ABI3BP: variants seen among roughly 807,000 people sequenced by gnomAD.
ABI3BP encodes ABI family member 3 binding protein.
In ABI3BP, 216 loss-of-function variants were observed where a neutral mutation model predicts 268.6. That is an observed-to-expected ratio of 0.80 (90% CI 0.72 to 0.90). The LOEUF is 0.90. Among genes scored for constraint, ABI3BP ranks in the 40% least tolerant of loss-of-function variants. The pLI, the probability that ABI3BP is intolerant of heterozygous loss-of-function variation, is 0.00. For missense variants in ABI3BP, 2,090 were observed against 2,182.4 expected, an observed-to-expected ratio of 0.96 and a Z score of 0.84; for synonymous variants, 730 against 730.0, an observed-to-expected ratio of 1.00 and a Z score of 0.00.
chr3:100,988,438 T>C (rs960055873), intron 1 of ABI3BP, among the ~76,000 whole-genome samples: 1 of 152,136 alleles, frequency 6.6e-6, no homozygotes, highest in Non-Finnish European at 1.5e-5. Context: ...ACTTTAACAC[T>C]CACTGAGCTT....
chr3:100,789,487 G>C lies in ABI3BP; in HGVS notation c.4054C>G (p.Pro1352Ala). The change falls in exon 56 of 68, where the codon CCC (proline) becomes GCC (alanine). Residue 1352 changes from proline (P) to alanine (A), a missense_variant. Pro to Ala is a conservative substitution (Grantham distance 27). Transcript: ENST00000471714. ...APHRFYTTVR[P>A]RTSDKPHIRP... The stretch of plus-strand genomic sequence containing the variant: ...ATGTGTGGCTTGTCAGATGTTCTGG[G>C]CCTCACAGTAGTATAAAATCTGTGT... 1 of 1,600,020 alleles carries C rather than the reference G, an allele frequency of 6.2e-7. No individual in the cohort carries two copies. Among genetic ancestry groups the C allele is most frequent in the Non-Finnish European group, 8.5e-7 (1 of 1,172,834 alleles).
chr3:100,763,905 A>T (rs892961197), intron 63 of ABI3BP, among the ~76,000 whole-genome samples: 1 of 152,240 alleles, frequency 6.6e-6, no homozygotes, highest in African/African-American at 2.4e-5. Flanking sequence ...TATTCCGACT[A>T]AAAGCCAGAA....
intron 1 of ABI3BP, among the ~76,000 whole-genome samples, chr3:100,967,331 G>T (rs922289229): frequency 6.6e-6 from 1 of 151,736 alleles, no homozygotes; most frequent in Non-Finnish European, 1.5e-5. Flanking sequence ...GTGAAATATT[G>T]TCTCTGTCAA....
At chr3:100,780,533 C>A (rs1224552781) in intron 57 of ABI3BP, among the ~76,000 whole-genome samples, 2 of 151,986 alleles carry the variant, frequency 1.3e-5, no homozygotes, top group Non-Finnish European at 2.9e-5. Flanking sequence ...AACTGGCCAC[C>A]TTTTGCCAAT....
In ABI3BP at chr3:100,789,498, G is replaced by T. The variant is rs773263916; in HGVS notation, c.4043C>A (p.Thr1348Asn). 3 of 1,597,762 alleles carry T rather than the reference G, an allele frequency of 1.9e-6. No homozygotes were observed. Among genetic ancestry groups the T allele is most frequent in the East Asian group, 4.5e-5 (2 of 44,326 alleles). Reference sequence around the variant, plus strand: ...GTCAGATGTTCTGGGCCTCACAGTAGTATAAAATCTGTGTGGCGCTGAAAC... The same window carrying T: ...GTCAGATGTTCTGGGCCTCACAGTATTATAAAATCTGTGTGGCGCTGAAAC... Reference protein sequence around the residue: ...KTTQAPHRFYTTVRPRTSDKP... With the variant: ...KTTQAPHRFYNTVRPRTSDKP... Residue 1348 changes from threonine (T) to asparagine (N), a missense_variant, in exon 56 of 68, where the codon ACT (threonine) becomes AAT (asparagine). Coordinates refer to ENST00000471714, the MANE Select transcript of ABI3BP (RefSeq NM_001375547.2).
chr3:100,753,983 G>A, intron 64 of ABI3BP, 135 bp from the exon 65 acceptor site: 1 of 920,328 alleles, frequency 1.1e-6, no homozygotes. Context: ...GCTAAGGATT[G>A]AATTTGAAAG....
At chr3:100,988,746 G>A (rs1171891805) in intron 1 of ABI3BP, among the ~76,000 whole-genome samples, 1 of 152,102 alleles carries the variant, frequency 6.6e-6, no homozygotes, top group Non-Finnish European at 1.5e-5. Flanking sequence ...CAAGTGCCAA[G>A]CTTTGTCTCC....
chr3:100,890,654 C>G (rs1192084596), intron 4 of ABI3BP, among the ~76,000 whole-genome samples: 1 of 152,156 alleles, frequency 6.6e-6, no homozygotes, highest in African/African-American at 2.4e-5. Flanking sequence ...TTTCTTACCA[C>G]TCAAAATGTC....
At chr3:100,889,819 A>C (rs2043686245) in intron 4 of ABI3BP, among the ~76,000 whole-genome samples, 1 of 152,122 alleles carries the variant, frequency 6.6e-6, no homozygotes, top group South Asian at 2.1e-4. Flanking sequence ...ACAGCTCCTC[A>C]AAATGTAGCA....
chr3:100,987,366 T>G (rs2092083096), intron 1 of ABI3BP, among the ~76,000 whole-genome samples: 1 of 152,236 alleles, frequency 6.6e-6, no homozygotes, highest in Admixed American at 6.5e-5. Context: ...TGTTCCCCTG[T>G]GTCCCCTCTC....
rs914866020 is a variant in ABI3BP at position 100,982,123 on chromosome 3, A to G, written c.79+11183T>C. ...GTGTGAGAGTGCAGGAAAAACTACCATTTATAAAACCATCATCTCTCCTGA... is the reference window on the plus strand; with the variant it reads ...GTGTGAGAGTGCAGGAAAAACTACCGTTTATAAAACCATCATCTCTCCTGA... On this transcript the variant is annotated intron_variant, in intron 1 of 67. Transcript: ENST00000471714. 3.9e-5 allele frequency among the ~76,000 whole-genome samples: 6 copies of G among 152,124 alleles called. No homozygotes were observed. In the East Asian group the frequency reaches 7.7e-4, roughly 20 times the overall value.
rs527415180 is a variant in ABI3BP, at chr3:100,828,447, C to A, written c.2548G>T (p.Ala850Ser). Reference protein sequence around the residue: ...PEELQTELVPATIFEPVSPIK... With the variant: ...PEELQTELVPSTIFEPVSPIK... Reference sequence around the variant, plus strand: ...GGAGAAACTGGTTCAAAGATTGTAGCAGGAACTGGCCAAAAATAATAAAAA... The same window carrying A: ...GGAGAAACTGGTTCAAAGATTGTAGAAGGAACTGGCCAAAAATAATAAAAA... Residue 850 changes from alanine (A) to serine (S), a missense_variant, in exon 34 of 68, where the codon GCT becomes TCT. Coordinates refer to ENST00000471714, the MANE Select transcript of ABI3BP (RefSeq NM_001375547.2). 34 of 1,534,418 alleles carry A rather than the reference C, an allele frequency of 2.2e-5. No individual in the cohort carries two copies. In the Admixed American group the frequency reaches 2.7e-4, roughly 12 times the overall value.
At chr3:100,948,213 C>T (rs908758415) in intron 1 of ABI3BP, among the ~76,000 whole-genome samples, 1 of 152,110 alleles carries the variant, frequency 6.6e-6, no homozygotes, top group Non-Finnish European at 1.5e-5. Flanking sequence ...TATGAAGCTA[C>T]ACACAAGCCA....
intron 13 of ABI3BP, 143 bp from the exon 14 acceptor site, chr3:100,862,528 T>C: frequency 1.6e-6 from 1 of 620,506 alleles, no homozygotes; most frequent in Admixed American, 3.2e-5. Context: ...TATATATCAG[T>C]AAGAAATCAG....
At chr3:100,982,538 G>T (rs2090047609) in intron 1 of ABI3BP, among the ~76,000 whole-genome samples, 1 of 150,484 alleles carries the variant, frequency 6.6e-6, no homozygotes, top group African/African-American at 2.4e-5. Context: ...AGTTACTTTT[G>T]CACCAACCTA....
At chr3:100,856,762 C>T (rs2098944641) in intron 14 of ABI3BP, among the ~76,000 whole-genome samples, 1 of 152,148 alleles carries the variant, frequency 6.6e-6, no homozygotes, top group South Asian at 2.1e-4. Flanking sequence ...ACAAAAAGCT[C>T]ATTTCCACAT....
chr3:100,951,073 A>T (rs1325325192), intron 1 of ABI3BP, among the ~76,000 whole-genome samples: 1 of 151,940 alleles, frequency 6.6e-6, no homozygotes, highest in Non-Finnish European at 1.5e-5. Context: ...CCAGCATTAG[A>T]ATAATTTCGA....
At chr3:100,937,002 T>A (rs1234894649) in intron 1 of ABI3BP, among the ~76,000 whole-genome samples, 1 of 152,074 alleles carries the variant, frequency 6.6e-6, no homozygotes, top group Non-Finnish European at 1.5e-5. Context: ...ATTTTACTAT[T>A]CCTTGTCTTC....
At chr3:100,793,909 A>G (rs1217807605) in intron 54 of ABI3BP, among the ~76,000 whole-genome samples, 1 of 151,954 alleles carries the variant, frequency 6.6e-6, no homozygotes, top group Non-Finnish European at 1.5e-5. Flanking sequence ...CACACAGCAC[A>G]TTTGTGTTGA....
Sources: allele counts gnomAD v4.1 joint callset (sites outside exome capture counted in the v4.1 genomes callset), GRCh38; gene constraint gnomAD v4.1.1; transcripts MANE v1.5; gene names NCBI Gene and HGNC (gene_info 2026-07-23, HGNC 2026-07-21).